Variants in PHF20 observed in about 807,000 individuals in gnomAD.
The protein encoded by PHF20 is PHD finger protein 20.
In PHF20, 23 loss-of-function variants were observed where a neutral mutation model predicts 113.5. The observed-to-expected ratio is 0.20, with a 90% CI of 0.15 to 0.29. The LOEUF (loss-of-function observed/expected upper bound fraction) is 0.29. Among genes scored for constraint, PHF20 ranks in the 10% least tolerant of loss-of-function variants. The pLI, the probability that PHF20 is intolerant of heterozygous loss-of-function variation, is 1.00. For missense variants in PHF20, 943 were observed against 1,219.6 expected (o/e 0.77, Z 3.38); for synonymous variants, 434 against 457.3 (o/e 0.95, Z 0.65).
At chr20:35,810,121 G>A (rs1014110888) in intron 2 of PHF20, among the ~76,000 whole-genome samples, 2 of 151,982 alleles carry the variant, frequency 1.3e-5, no homozygotes, top group East Asian at 3.9e-4. Context: ...GTAGAGATGG[G>A]GTTTCATTAT....
chr20:35,787,516 T>A (rs1312019609), intron 1 of PHF20, among the ~76,000 whole-genome samples: 1 of 145,598 alleles, frequency 6.9e-6, no homozygotes, highest in Non-Finnish European at 1.5e-5. Flanking sequence ...TGAGACAGAG[T>A]TTCGCTCTGT....
At chr20:35,882,697 T>G (rs1377872523) in intron 9 of PHF20, among the ~76,000 whole-genome samples, 1 of 152,184 alleles carries the variant, frequency 6.6e-6, no homozygotes, top group Non-Finnish European at 1.5e-5. Context: ...ATTGGAGGTG[T>G]GAGTCACTAT....
rs1400674287 is a variant in PHF20, at chr20:35,948,388, C to T, written c.*761C>T. Reference sequence around the variant, plus strand: ...CCCAAAGGACAGCATTTTCTACCCACTTCTTAATATTGACAGCTTCCCCGT... The same window carrying T: ...CCCAAAGGACAGCATTTTCTACCCATTTCTTAATATTGACAGCTTCCCCGT... On this transcript the variant is annotated 3_prime_UTR_variant, in exon 18 of 18. Coordinates refer to ENST00000374012, the MANE Select transcript of PHF20 (RefSeq NM_016436.5). 1 of 152,642 alleles carries T rather than the reference C, an allele frequency of 6.6e-6. No individual in the cohort carries two copies. The highest frequency in any genetic ancestry group is 1.5e-5 in the Non-Finnish European group (1 of 68,038). The allele number at this position is 152,642 out of a possible 1,614,324, so 9.5% of individuals were successfully genotyped here. A position where few individuals can be genotyped will look rare whatever the true frequency, so the allele number is the denominator to read the frequency against.
At chr20:35,900,693 C>T (rs1355493313) in intron 10 of PHF20, among the ~76,000 whole-genome samples, 14 of 151,996 alleles carry the variant, frequency 9.2e-5, no homozygotes, top group Admixed American at 4.6e-4. Context: ...AAAAATTAGC[C>T]GGGCTTGGTG....
Position 35,941,045 on chromosome 20 carries a change from A to C in PHF20, c.2894A>C (p.Asp965Ala), listed in dbSNP as rs772355353. 3 of 1,611,672 alleles carry C rather than the reference A, an allele frequency of 1.9e-6. No individual in the cohort carries two copies. The highest frequency in any genetic ancestry group is 2.2e-5 in the South Asian group (2 of 90,854). The part of the protein sequence containing the change: ...HRMDSIEKEL[D>A]VLESWLDYTG... ...ATGGACTCCATTGAGAAGGAGTTGG[A>C]TGGTAGGGCTCCTTCATTGGCCCCC... Residue 965 changes from aspartate to alanine, a missense_variant and splice_region_variant, in exon 17 of 18, where the codon GAT (aspartate) becomes GCT (alanine). Physicochemically the swap from Asp to Ala is moderately radical, Grantham distance 126 (BLOSUM62 -2). Transcript: ENST00000374012.
intron 1 of PHF20, among the ~76,000 whole-genome samples, chr20:35,794,006 A>G (rs1345710703): frequency 1.4e-5 from 2 of 146,150 alleles, no homozygotes; most frequent in Non-Finnish European, 3.0e-5. Context: ...AAAAAAAAAA[A>G]AAAAAAAAAA....
Position 35,863,111 on chromosome 20 carries a change from A to G in PHF20, c.519A>G (p.Thr173=). ...REKFKEQRKA[T]VNVKKDKEDK... ...AGTTTAAAGAACAGAGAAAAGCAAC[A>G]GTGAATGTGAAGAAAGACAAAGAAG... Residue 173 remains threonine, a synonymous_variant, in exon 6 of 18, where the codon ACA becomes ACG. Coordinates refer to ENST00000374012, the MANE Select transcript of PHF20 (RefSeq NM_016436.5). 1.1e-5 allele frequency: 18 copies of G among 1,613,320 alleles called. No homozygotes were observed. The highest frequency in any genetic ancestry group is 1.4e-5 in the Non-Finnish European group (17 of 1,179,808).
chr20:35,789,843 G>T (rs1600732013), intron 1 of PHF20, among the ~76,000 whole-genome samples: 1 of 28,202 alleles, frequency 3.5e-5, no homozygotes, highest in African/African-American at 1.6e-4. Flanking sequence ...ATGGCGCCCA[G>T]CCCCCGCCCC....
intron 2 of PHF20, among the ~76,000 whole-genome samples, chr20:35,824,834 A>T (rs1453418280): frequency 1.3e-5 from 2 of 152,138 alleles, no homozygotes; most frequent in African/African-American, 4.8e-5. Flanking sequence ...TGTTCTGGAC[A>T]TTTCATAGAT....
chr20:35,873,473 T>G (rs529527587), intron 9 of PHF20, among the ~76,000 whole-genome samples: 126 of 148,196 alleles, frequency 8.5e-4, no homozygotes, highest in African/African-American at 2.0e-3. Flanking sequence ...TTTGTTTTTT[T>G]TTTTTTTTTT....
chr20:35,799,093 TG>T (rs2041726142), intron 1 of PHF20, among the ~76,000 whole-genome samples: 1 of 152,048 alleles, frequency 6.6e-6, no homozygotes, highest in Non-Finnish European at 1.5e-5. Context: ...GAAAGTGTTC[TG>T]GTAGGAGGCA....
Position 35,859,692 on chromosome 20 carries a change from G to A in PHF20, c.420+1311G>A, listed in dbSNP as rs548403520. On this transcript the variant is annotated intron_variant, in intron 5 of 17. Transcript: ENST00000374012. ...CTCCCAAGTAGCTGAGACTAGGCGC[G>A]TGCCACCACGCCCGGCTCATTTTTT... Among the ~76,000 whole-genome samples the A allele has an allele frequency of 2.6e-5, 4 of 151,994 alleles. No homozygotes were observed. In the East Asian group the frequency reaches 7.8e-4, roughly 29 times the overall value.
chr20:35,781,712 A>C (rs1369195024), intron 1 of PHF20, among the ~76,000 whole-genome samples: 2 of 152,256 alleles, frequency 1.3e-5, no homozygotes, highest in African/African-American at 4.8e-5. Flanking sequence ...CGGGAGGCTG[A>C]GGCAGGTAGA....
intron 13 of PHF20, among the ~76,000 whole-genome samples, chr20:35,927,337 G>A (rs1257313441): frequency 2.6e-5 from 4 of 152,272 alleles, no homozygotes; most frequent in Non-Finnish European, 5.9e-5. Context: ...TATGTGCTGG[G>A]CTCTGTAATA....
chr20:35,848,394 A>C (rs978335593), intron 4 of PHF20, among the ~76,000 whole-genome samples: 2 of 151,860 alleles, frequency 1.3e-5, no homozygotes, highest in African/African-American at 2.4e-5. Flanking sequence ...CAGCCTCCCG[A>C]GTAGCTGGGA....
chr20:35,918,409 G>A (rs6060682), intron 13 of PHF20, among the ~76,000 whole-genome samples: 39,461 of 151,970 alleles, frequency 0.26, 6,157 homozygotes, highest in African/African-American at 0.44. Flanking sequence ...GGGTCCTAGG[G>A]CTCAGAGGCA....
At chr20:35,938,646 G>T (rs761495063) in intron 15 of PHF20, 51 bp from the exon 16 acceptor site, 5 of 1,526,374 alleles carry the variant, frequency 3.3e-6, no homozygotes, top group Non-Finnish European at 4.4e-6. Flanking sequence ...GAGAACCCCT[G>T]CAATGGTGCC....
chr20:35,898,993 C>A (rs998164852), intron 9 of PHF20, among the ~76,000 whole-genome samples: 2 of 152,142 alleles, frequency 1.3e-5, no homozygotes, highest in African/African-American at 4.8e-5. Flanking sequence ...GAGTGATCCA[C>A]CTGCCTTGGC....
At chr20:35,777,553 C>G (rs191492131) in intron 1 of PHF20, among the ~76,000 whole-genome samples, 1 of 152,216 alleles carries the variant, frequency 6.6e-6, no homozygotes, top group African/African-American at 2.4e-5. Context: ...CAGTGGCTTA[C>G]GCCTGTAATC....
Sources: gnomAD v4.1 joint callset for allele counts (sites outside exome capture counted in the v4.1 genomes callset) on GRCh38, gnomAD v4.1.1 for gene constraint, MANE v1.5 for transcripts, NCBI Gene and HGNC (gene_info 2026-07-23, HGNC 2026-07-21) for gene names.